IL1RAPL2: variants seen among roughly 807,000 people sequenced by gnomAD.
IL1RAPL2 encodes the protein X-linked interleukin-1 receptor accessory protein-like 2.
Under a neutral mutation model 44.1 loss-of-function variants are expected in IL1RAPL2, and 3 were observed. The observed-to-expected ratio is 0.07, with a 90% CI of 0.03 to 0.18. IL1RAPL2 has a LOEUF of 0.18. Among genes scored for constraint, IL1RAPL2 ranks in the 10% least tolerant of loss-of-function variants. The pLI is 1.00. For missense variants in IL1RAPL2, 391 were observed against 496.4 expected (o/e 0.79, Z 2.02); for synonymous variants, 181 against 178.8 (o/e 1.01, Z -0.10).
intron 1 of IL1RAPL2, among the ~76,000 whole-genome samples, chrX:104,622,945 G>A (rs1483347703): frequency 9.0e-6 from 1 of 111,674 alleles, no homozygotes; most frequent in Non-Finnish European, 1.9e-5. Flanking sequence ...TCTCCATTCA[G>A]TTGCCACCCA....
At chrX:105,282,849 A>G (rs1393931402) in intron 5 of IL1RAPL2, among the ~76,000 whole-genome samples, 1 of 111,874 alleles carries the variant, frequency 8.9e-6, no homozygotes, top group Non-Finnish European at 1.9e-5. Context: ...GTAGCATAAT[A>G]GTTGAATGAA....
intron 6 of IL1RAPL2, among the ~76,000 whole-genome samples, chrX:105,519,015 T>C (rs1240240876): frequency 2.7e-5 from 3 of 111,480 alleles, no homozygotes; most frequent in Non-Finnish European, 5.7e-5. Flanking sequence ...ATACTATCAT[T>C]TATAGGTGAG....
chrX:104,840,116 TG>T (rs1476608881), intron 2 of IL1RAPL2, among the ~76,000 whole-genome samples: 2 of 111,797 alleles, frequency 1.8e-5, no homozygotes, highest in African/African-American at 6.5e-5. Flanking sequence ...CTTTTGAATT[TG>T]TTTGCTCTTG....
intron 6 of IL1RAPL2, among the ~76,000 whole-genome samples, chrX:105,551,893 C>T (rs1163632316): frequency 3.6e-5 from 4 of 111,078 alleles, no homozygotes; most frequent in African/African-American, 1.3e-4. Flanking sequence ...ATCACAAGGT[C>T]AGGAGATCGA....
At chrX:104,745,751 A>C (rs1324045630) in intron 2 of IL1RAPL2, among the ~76,000 whole-genome samples, 2 of 111,888 alleles carry the variant, frequency 1.8e-5, no homozygotes, top group African/African-American at 6.5e-5. Context: ...CTTTAGTGGC[A>C]CTTGGGAAAT....
chrX:104,677,294 T>G (rs2147536472), intron 2 of IL1RAPL2, among the ~76,000 whole-genome samples: 1 of 110,569 alleles, frequency 9.0e-6, no homozygotes, highest in Non-Finnish European at 1.9e-5. Flanking sequence ...GTCCTTTCTG[T>G]TTGTTAGTTT....
chrX:105,305,233 T>C (rs572600917), intron 5 of IL1RAPL2, among the ~76,000 whole-genome samples: 34 of 111,103 alleles, frequency 3.1e-4, no homozygotes, highest in East Asian at 1.4e-3. Context: ...TTATGTGAGA[T>C]GAATAAGTTC....
At chrX:105,009,191 C>T (rs890699561) in intron 2 of IL1RAPL2, among the ~76,000 whole-genome samples, 1 of 111,415 alleles carries the variant, frequency 9.0e-6, no homozygotes, top group Non-Finnish European at 1.9e-5. Flanking sequence ...GACAGTGTGA[C>T]GATTCCTCAA....
At chrX:105,566,527 G>A (rs2036976575) in intron 6 of IL1RAPL2, among the ~76,000 whole-genome samples, 1 of 111,280 alleles carries the variant, frequency 9.0e-6, no homozygotes, top group South Asian at 3.7e-4. Context: ...ATAATTACTC[G>A]ACAAGAAGTT....
chrX:105,530,584 A>G (rs1307850251), intron 6 of IL1RAPL2, among the ~76,000 whole-genome samples: 1 of 111,332 alleles, frequency 9.0e-6, no homozygotes, highest in Non-Finnish European at 1.9e-5. Context: ...CCTTTGTGTC[A>G]TAAACAATTT....
intron 6 of IL1RAPL2, among the ~76,000 whole-genome samples, chrX:105,529,471 TTA>T (rs1294313896): frequency 1.8e-5 from 2 of 111,255 alleles, no homozygotes; most frequent in Non-Finnish European, 3.8e-5. Context: ...GTTGGTATTC[TTA>T]TATGAAAAGG....
chrX:105,711,194 G>T (rs1461802864), intron 6 of IL1RAPL2, among the ~76,000 whole-genome samples: 1 of 109,974 alleles, frequency 9.1e-6, no homozygotes, highest in Non-Finnish European at 1.9e-5. Flanking sequence ...ATTTTCTACT[G>T]CTGTAACAGA....
chrX:105,075,786 G>C (rs540046107), intron 2 of IL1RAPL2, among the ~76,000 whole-genome samples: 1 of 111,567 alleles, frequency 9.0e-6, no homozygotes, highest in Non-Finnish European at 1.9e-5. Flanking sequence ...TGTATGTGTC[G>C]AGGAATTTAT....
At chrX:105,615,262 A>G (rs2037366431) in intron 6 of IL1RAPL2, among the ~76,000 whole-genome samples, 1 of 109,400 alleles carries the variant, frequency 9.1e-6, no homozygotes, top group Admixed American at 9.7e-5. Context: ...ACTATGAAGA[A>G]CAGTTTGGGG....
intron 5 of IL1RAPL2, among the ~76,000 whole-genome samples, chrX:105,364,701 T>C (rs1322957625): frequency 2.7e-5 from 3 of 111,462 alleles, no homozygotes; most frequent in Non-Finnish European, 3.8e-5. Context: ...AAAAATCAGA[T>C]AGCTCATTGT....
At chrX:104,689,061 C>T (rs1324418275) in intron 2 of IL1RAPL2, among the ~76,000 whole-genome samples, 1 of 111,604 alleles carries the variant, frequency 9.0e-6, no homozygotes, top group Non-Finnish European at 1.9e-5. Context: ...GAAGGAAATG[C>T]CTTTATGAGT....
At chrX:104,637,196 AATTT>A (rs763073748) in intron 1 of IL1RAPL2, among the ~76,000 whole-genome samples, 5 of 110,284 alleles carry the variant, frequency 4.5e-5, no homozygotes, top group Non-Finnish European at 7.6e-5. Flanking sequence ...AACTTTACTG[AATTT>A]ATTTATCAGA....
chrX:105,528,999 A>G (rs1163057005), intron 6 of IL1RAPL2, among the ~76,000 whole-genome samples: 1 of 111,433 alleles, frequency 9.0e-6, no homozygotes, highest in African/African-American at 3.3e-5. Flanking sequence ...ATTGAGGACA[A>G]TTAACAAATA....
At chrX:104,945,307 T>C (rs192791087) in intron 2 of IL1RAPL2, among the ~76,000 whole-genome samples, 62 of 110,926 alleles carry the variant, frequency 5.6e-4, no homozygotes, top group African/African-American at 2.0e-3. Context: ...CTATTTAACA[T>C]AATAATGTAC....
Sources: gnomAD v4.1 joint callset for allele counts (sites outside exome capture counted in the v4.1 genomes callset) on GRCh38, gnomAD v4.1.1 for gene constraint, MANE v1.5 for transcripts, NCBI Gene and HGNC (gene_info 2026-07-23, HGNC 2026-07-21) for gene names.